TRERF1: variants seen among roughly 807,000 people sequenced by gnomAD.
TRERF1 encodes the protein transcriptional regulating factor 1, also known as transcriptional-regulating factor 1.
TRERF1 carries 27 observed loss-of-function variants against 122.9 expected under a neutral mutation model. The ratio of observed to expected loss-of-function variants is 0.22; its 90% CI spans 0.16 to 0.30. The LOEUF (loss-of-function observed/expected upper bound fraction) is 0.30. Among genes scored for constraint, TRERF1 ranks in the 10% least tolerant of loss-of-function variants. The pLI is 1.00. For synonymous variants in TRERF1, 636 were observed against 641.7 expected, an observed-to-expected ratio of 0.99 and a Z score of 0.13; for missense variants, 1,248 against 1,560.3, an observed-to-expected ratio of 0.80 and a Z score of 3.37.
At chr6:42,404,704 A>AC (rs1207387308) in intron 2 of TRERF1, among the ~76,000 whole-genome samples, 1 of 151,736 alleles carries the variant, frequency 6.6e-6, no homozygotes, top group Non-Finnish European at 1.5e-5. Context: ...CTACCGTCTA[A>AC]CCGCTCTCTG....
At chr6:42,314,128 T>C (rs186594160) in intron 3 of TRERF1, among the ~76,000 whole-genome samples, 157 of 152,126 alleles carry the variant, frequency 1.0e-3, no homozygotes, top group African/African-American at 3.5e-3. Flanking sequence ...GGCTCATAAC[T>C]GAAGACAAAC....
intron 2 of TRERF1, among the ~76,000 whole-genome samples, chr6:42,376,038 G>A (rs1194048548): frequency 1.3e-5 from 2 of 152,090 alleles, no homozygotes; most frequent in African/African-American, 4.8e-5. Context: ...GCTGGGTCTG[G>A]GGGAAACTGC....
At chr6:42,407,266 T>A (rs1359954360) in intron 2 of TRERF1, among the ~76,000 whole-genome samples, 1 of 152,166 alleles carries the variant, frequency 6.6e-6, no homozygotes, top group Non-Finnish European at 1.5e-5. Context: ...AGATCTGAAA[T>A]GGAAAGGGCA....
exon 16 of TRERF1, chr6:42,236,298 G>T (rs369538730): frequency 1.2e-6 from 2 of 1,610,632 alleles, no homozygotes; most frequent in African/African-American, 1.3e-5. Flanking sequence ...GGACGGGGAC[G>T]GGTGGTGGCT....
chr6:42,232,560 A>G lies in TRERF1; in HGVS notation c.3278+121T>C, dbSNP rs1770773204. ...ACCCATCCCAAAGATGACACGAAGA[A>G]GAGTTTTGAGGTCTAAGTTCTTTTT... is the stretch of plus-strand genomic sequence containing the variant. On this transcript the variant is annotated intron_variant, in intron 17 of 17. Coordinates refer to ENST00000372922, the Ensembl canonical transcript of TRERF1. This position sits in a 1 kb window ranked among gnomAD's most constrained non-coding sequence, Gnocchi z 4.5. The G allele has an allele frequency of 2.3e-6, 3 of 1,283,754 alleles. No individual in the cohort carries two copies. The highest frequency in any genetic ancestry group is 1.6e-5 in the South Asian group (1 of 60,956). The allele number at this position is 1,283,754 out of a possible 1,614,324, so 79.5% of individuals were successfully genotyped here. A position where few individuals can be genotyped will look rare whatever the true frequency, so the allele number is the denominator to read the frequency against.
At chr6:42,281,270 C>A (rs561279398) in intron 4 of TRERF1, among the ~76,000 whole-genome samples, 2 of 152,138 alleles carry the variant, frequency 1.3e-5, no homozygotes, top group South Asian at 4.1e-4. Context: ...AATGCGGCCC[C>A]GGAGCCTGGG....
At chr6:42,451,418 G>T (rs1317806417) in intron 1 of TRERF1, among the ~76,000 whole-genome samples, 157 bp from the exon 2 acceptor site, 1 of 147,708 alleles carries the variant, frequency 6.8e-6, no homozygotes, top group African/African-American at 2.5e-5. Flanking sequence ...CTGGCCCCTC[G>T]TCCCCCCGAC....
chr6:42,277,059 T>C (rs1781261500), intron 4 of TRERF1, among the ~76,000 whole-genome samples: 1 of 152,346 alleles, frequency 6.6e-6, no homozygotes, highest in African/African-American at 2.4e-5. Context: ...CCAGGGACTT[T>C]AACATCGTCT....
chr6:42,436,134 T>G (rs1785312315), intron 2 of TRERF1, among the ~76,000 whole-genome samples: 2 of 152,070 alleles, frequency 1.3e-5, no homozygotes, highest in East Asian at 3.9e-4. Flanking sequence ...TTTGGGAGGT[T>G]GAGGCAGGTG....
chr6:42,310,281 A>C (rs1029936155), intron 3 of TRERF1, among the ~76,000 whole-genome samples: 3 of 152,178 alleles, frequency 2.0e-5, no homozygotes, highest in Non-Finnish European at 4.4e-5. Context: ...ACACATTTTA[A>C]GATGCTCAAT....
chr6:42,288,965 G>C (rs907233605), intron 4 of TRERF1, among the ~76,000 whole-genome samples: 3 of 150,446 alleles, frequency 2.0e-5, no homozygotes, highest in South Asian at 4.3e-4. Context: ...GTGTGTGTGT[G>C]TGTGTGTGTG....
At chr6:42,423,726 TAAA>T (rs1031400814) in intron 2 of TRERF1, among the ~76,000 whole-genome samples, 1 of 150,084 alleles carries the variant, frequency 6.7e-6, no homozygotes, top group Non-Finnish European at 1.5e-5. Flanking sequence ...TCGGGTTATT[TAAA>T]AAAAAAAGTT....
At chr6:42,401,409 T>G (rs547509678) in intron 2 of TRERF1, among the ~76,000 whole-genome samples, 1 of 152,220 alleles carries the variant, frequency 6.6e-6, no homozygotes, top group South Asian at 2.1e-4. Context: ...CTACACCAGG[T>G]ACTTTAAATA....
chr6:42,377,586 C>T (rs75268917), intron 2 of TRERF1, among the ~76,000 whole-genome samples: 1 of 152,156 alleles, frequency 6.6e-6, no homozygotes, highest in South Asian at 2.1e-4. Context: ...AAGGACAGAA[C>T]AAATGATGCT....
At chr6:42,277,995 G>C (rs573469069) in intron 4 of TRERF1, among the ~76,000 whole-genome samples, 1 of 150,870 alleles carries the variant, frequency 6.6e-6, no homozygotes, top group Admixed American at 6.6e-5. Flanking sequence ...GAAGACAGGA[G>C]CCCTGGGCTT....
chr6:42,445,430 C>T (rs1178423757), intron 2 of TRERF1, among the ~76,000 whole-genome samples: 5 of 151,770 alleles, frequency 3.3e-5, no homozygotes, highest in South Asian at 2.1e-4. Flanking sequence ...TCTCTCTCCA[C>T]GGGCTCCTTA....
intron 2 of TRERF1, among the ~76,000 whole-genome samples, chr6:42,428,469 TG>T (rs1783976912): frequency 6.6e-6 from 1 of 152,158 alleles, no homozygotes; most frequent in East Asian, 1.9e-4. Context: ...ACACCAAGAT[TG>T]GGGTGGAGGG....
intron 3 of TRERF1, among the ~76,000 whole-genome samples, chr6:42,306,892 G>T (rs774941051): frequency 6.6e-6 from 1 of 152,072 alleles, no homozygotes; most frequent in African/African-American, 2.4e-5. Flanking sequence ...TTTTTTCACC[G>T]CTGTGTCTAA....
In TRERF1 at chr6:42,268,721, C is replaced by T. The variant is rs532058547; in HGVS notation, c.870G>A (p.Thr290=). The stretch of plus-strand genomic sequence containing the variant: ...GTGATGGGCGAATTTGTTGCGGCTG[C>T]GTCTGTATTTCTTGCATGGAGATAC... The change falls in exon 5 of 18, where the codon ACG becomes ACA. Residue 290 remains threonine (T), a synonymous_variant. Coordinates refer to ENST00000372922, the Ensembl canonical transcript of TRERF1. The surrounding 1 kb of genome is among the most constrained non-coding windows in gnomAD (Gnocchi z 4.4). 23 of 1,614,140 alleles carry T rather than the reference C, an allele frequency of 1.4e-5. No homozygotes were observed. The highest frequency in any genetic ancestry group is 1.6e-4 in the Middle Eastern group (1 of 6,062).
Sources: allele counts gnomAD v4.1 joint callset (sites outside exome capture counted in the v4.1 genomes callset), GRCh38; gene constraint gnomAD v4.1.1; non-coding constraint Gnocchi (gnomAD v3.1); transcripts MANE v1.5; gene names NCBI Gene and HGNC (gene_info 2026-07-23, HGNC 2026-07-21).